Variants in KHDRBS2 observed in about 807,000 individuals in gnomAD.
KHDRBS2 encodes KH domain-containing, RNA-binding, signal transduction-associated protein 2.
KHDRBS2 carries 26 observed loss-of-function variants against 44.3 expected under a neutral mutation model. That is an observed-to-expected ratio of 0.59 (90% CI 0.43 to 0.81). The LOEUF (loss-of-function observed/expected upper bound fraction) is 0.81, where lower values mean the gene tolerates loss of function less well. Ranked by LOEUF, KHDRBS2 falls within the 40% of genes least tolerant of loss-of-function variation. The pLI is 0.00. For missense variants in KHDRBS2, 476 were observed against 433.1 expected, an observed-to-expected ratio of 1.10 and a Z score of -0.88; for synonymous variants, 194 against 151.1, an observed-to-expected ratio of 1.28 and a Z score of -2.08.
At chr6:61,567,990 T>C in the KHDRBS2 span, among the ~76,000 whole-genome samples, 1 of 152,182 alleles carries the variant, frequency 6.6e-6, no homozygotes, top group Non-Finnish European at 1.5e-5. Flanking sequence ...TATAAGTCTT[T>C]AATTCATCTT....
intron 1 of KHDRBS2, among the ~76,000 whole-genome samples, chr6:62,229,368 A>G (rs1176750143): frequency 3.3e-5 from 5 of 152,112 alleles, no homozygotes; most frequent in Non-Finnish European, 5.9e-5. Context: ...AGGCTTCAGT[A>G]GGGGAAAAGT....
At chr6:61,848,530 TAC>T (rs1293806854) in intron 6 of KHDRBS2, among the ~76,000 whole-genome samples, 465 of 43,494 alleles carry the variant, frequency 0.011, 26 homozygotes, top group African/African-American at 0.029. Context: ...TATATATATA[TAC>T]ATATATATGT....
chr6:61,961,135 C>T (rs1181933208), intron 4 of KHDRBS2, among the ~76,000 whole-genome samples: 1 of 151,998 alleles, frequency 6.6e-6, no homozygotes, highest in Non-Finnish European at 1.5e-5. Context: ...CATTATATAT[C>T]CTATGTTGCA....
chr6:61,978,726 C>A (rs1224581215), intron 3 of KHDRBS2, among the ~76,000 whole-genome samples: 1 of 152,092 alleles, frequency 6.6e-6, no homozygotes, highest in South Asian at 2.1e-4. Context: ...TATGTTCTCA[C>A]CAGCCCAGAT....
chr6:62,219,591 T>C (rs1830546418), intron 1 of KHDRBS2, among the ~76,000 whole-genome samples: 2 of 151,280 alleles, frequency 1.3e-5, no homozygotes, highest in Admixed American at 6.6e-5. Flanking sequence ...AAATTCACTA[T>C]AGAAAACATT....
At chr6:62,121,521 T>C (rs1394261795) in intron 2 of KHDRBS2, among the ~76,000 whole-genome samples, 2 of 152,234 alleles carry the variant, frequency 1.3e-5, no homozygotes, top group Non-Finnish European at 2.9e-5. Flanking sequence ...ACACATCTCC[T>C]GGTACCTAGC....
At chr6:61,546,481 T>C in the KHDRBS2 span, among the ~76,000 whole-genome samples, 4 of 152,126 alleles carry the variant, frequency 2.6e-5, no homozygotes, top group African/African-American at 9.7e-5. Context: ...AATTTTACCA[T>C]AGGCTAATTT....
chr6:61,547,218 C>T, the KHDRBS2 span, among the ~76,000 whole-genome samples: 5 of 152,098 alleles, frequency 3.3e-5, no homozygotes, highest in Non-Finnish European at 5.9e-5. Flanking sequence ...AATCAAACAA[C>T]GTTGAGGACC....
At chr6:61,659,646 C>A in the KHDRBS2 span, among the ~76,000 whole-genome samples, 1 of 151,706 alleles carries the variant, frequency 6.6e-6, no homozygotes, top group Non-Finnish European at 1.5e-5. Context: ...TTTCTTGCAT[C>A]TTAAAATCCA....
At chr6:61,795,293 A>G (rs1337985601) in intron 6 of KHDRBS2, among the ~76,000 whole-genome samples, 1 of 152,198 alleles carries the variant, frequency 6.6e-6, no homozygotes, top group African/African-American at 2.4e-5. Flanking sequence ...TGACTTAAAG[A>G]GAATGAATTA....
At chr6:61,599,143 C>T in the KHDRBS2 span, among the ~76,000 whole-genome samples, 88 of 151,934 alleles carry the variant, frequency 5.8e-4, no homozygotes, top group African/African-American at 2.0e-3. Context: ...ACCATGTTGC[C>T]CAGGCTGGTC....
chr6:62,058,479 A>G (rs999888459), intron 2 of KHDRBS2, among the ~76,000 whole-genome samples: 2 of 151,868 alleles, frequency 1.3e-5, no homozygotes, highest in Non-Finnish European at 2.9e-5. Flanking sequence ...CTCAACATTA[A>G]ATCATACTTT....
At chr6:61,824,284 G>A (rs1448863433) in intron 6 of KHDRBS2, among the ~76,000 whole-genome samples, 1 of 152,128 alleles carries the variant, frequency 6.6e-6, no homozygotes, top group East Asian at 1.9e-4. Flanking sequence ...TTTTTCTAAT[G>A]GTTTTGAACC....
intron 6 of KHDRBS2, among the ~76,000 whole-genome samples, chr6:61,743,898 C>T (rs1219877335): frequency 2.0e-5 from 3 of 149,428 alleles, no homozygotes; most frequent in Non-Finnish European, 4.4e-5. Context: ...TTTGTCCTTG[C>T]GATAGTTTGC....
intron 2 of KHDRBS2, among the ~76,000 whole-genome samples, chr6:62,170,827 G>A (rs150174717): frequency 1.3e-5 from 2 of 152,016 alleles, no homozygotes; most frequent in Non-Finnish European, 1.5e-5. Context: ...CTCAAGGTAA[G>A]AGCATGTAGC....
At chr6:61,829,406 T>C (rs486227) in intron 6 of KHDRBS2, among the ~76,000 whole-genome samples, 87,141 of 152,058 alleles carry the variant, frequency 0.57, 25,153 homozygotes, top group South Asian at 0.68. Flanking sequence ...TCAGGGAATC[T>C]GCCTGCCTTG....
chr6:61,598,570 G>A, the KHDRBS2 span, among the ~76,000 whole-genome samples: 2 of 152,002 alleles, frequency 1.3e-5, no homozygotes, highest in African/African-American at 2.4e-5. Flanking sequence ...TTTTCCTGGG[G>A]GTAGAAAGAA....
At chr6:61,755,109 G>A (rs528829881) in intron 6 of KHDRBS2, among the ~76,000 whole-genome samples, 1 of 152,234 alleles carries the variant, frequency 6.6e-6, no homozygotes, top group South Asian at 2.1e-4. Flanking sequence ...AGTTTGACAT[G>A]TATCGGTTTA....
At chr6:61,611,803 G>A in the KHDRBS2 span, among the ~76,000 whole-genome samples, 1 of 152,118 alleles carries the variant, frequency 6.6e-6, no homozygotes, top group Non-Finnish European at 1.5e-5. Flanking sequence ...GTACCCATTA[G>A]GTAGTTTTTC....
Sources: allele counts gnomAD v4.1 joint callset (sites outside exome capture counted in the v4.1 genomes callset), GRCh38; gene constraint gnomAD v4.1.1; transcripts MANE v1.5; gene names NCBI Gene and HGNC (gene_info 2026-07-23, HGNC 2026-07-21).